Variants in ZNF654 observed in about 807,000 individuals in gnomAD.
ZNF654 encodes the protein melanoma-associated antigen.
ZNF654 carries 19 observed loss-of-function variants against 95.3 expected under a neutral mutation model. That is an observed-to-expected ratio of 0.20 (90% confidence interval 0.14 to 0.29). The LOEUF (loss-of-function observed/expected upper bound fraction) is 0.29, where lower values mean the gene tolerates loss of function less well. Ranked by LOEUF, ZNF654 falls within the 10% of genes least tolerant of loss-of-function variation. The pLI, the probability that ZNF654 is intolerant of heterozygous loss-of-function variation, is 1.00. For synonymous variants in ZNF654, 413 were observed against 457.9 expected, an observed-to-expected ratio of 0.90 and a Z score of 1.25; for missense variants, 1,046 against 1,341.0, an observed-to-expected ratio of 0.78 and a Z score of 3.44.
In ZNF654 at chr3:88,129,710, G is replaced by C; in HGVS notation, c.777G>C (p.Lys259Asn). The C allele has an allele frequency of 6.6e-7, 1 of 1,505,546 alleles. No homozygotes were observed. The highest frequency in any genetic ancestry group is 8.9e-7 in the Non-Finnish European group (1 of 1,127,414). The allele number at this position is 1,505,546 out of a possible 1,614,324, so 93.3% of individuals were successfully genotyped here. A position where few individuals can be genotyped will look rare whatever the true frequency, so the allele number is the denominator to read the frequency against. Reference protein sequence around the residue: ...FREHLLKTDCKSGIDIICNAE... With the variant: ...FREHLLKTDCNSGIDIICNAE... ...AGCATTTATTGAAAACTGATTGTAA[G>C]AGTGGAATTGATATCATCTGTAATG... Residue 259 changes from lysine to asparagine, a missense_variant, in exon 6 of 9, where the codon AAG becomes AAC. Around this residue, in one of 9 missense-constraint regions of ZNF654, gnomAD observed 121 missense variants for 141.7 expected, o/e 0.85. Transcript: ENST00000636215.
At chr3:88,089,423 G>A (rs1203492953) in intron 2 of ZNF654, among the ~76,000 whole-genome samples, 5 of 151,908 alleles carry the variant, frequency 3.3e-5, no homozygotes, top group South Asian at 2.1e-4. Context: ...CCCAGGAGGC[G>A]GAGGTTGCAG....
chr3:88,109,142 A>ATGTGTGT (rs1553697145), intron 2 of ZNF654, among the ~76,000 whole-genome samples: 34 of 142,530 alleles, frequency 2.4e-4, no homozygotes, highest in Admixed American at 1.5e-3. Context: ...AGTGGGCACT[A>ATGTGTGT]GTGTGTGTGT....
chr3:88,083,811 A>C (rs909945155), intron 1 of ZNF654, among the ~76,000 whole-genome samples: 5 of 152,148 alleles, frequency 3.3e-5, no homozygotes, highest in African/African-American at 1.2e-4. Flanking sequence ...CAAAAAAGAA[A>C]AAAAGTGAAA....
At chr3:88,135,924 C>T (rs1370695429) in intron 7 of ZNF654, among the ~76,000 whole-genome samples, 1 of 152,046 alleles carries the variant, frequency 6.6e-6, no homozygotes, top group East Asian at 1.9e-4. Flanking sequence ...TTAAATAATA[C>T]ATTTTAATTT....
intron 6 of ZNF654, among the ~76,000 whole-genome samples, chr3:88,131,017 T>G (rs1404047727): frequency 6.6e-6 from 1 of 152,150 alleles, no homozygotes; most frequent in Non-Finnish European, 1.5e-5. Context: ...TGGGGATATA[T>G]TCTAAGTAAT....
intron 2 of ZNF654, among the ~76,000 whole-genome samples, chr3:88,090,444 G>T (rs1470366777): frequency 1.3e-5 from 2 of 151,996 alleles, no homozygotes; most frequent in Non-Finnish European, 1.5e-5. Flanking sequence ...AGGATATAAA[G>T]AGAAAATATT....
intron 5 of ZNF654, 128 bp from the exon 6 acceptor site, chr3:88,129,559 G>T: frequency 1.4e-6 from 1 of 710,166 alleles, no homozygotes. Context: ...TTCTGTACAA[G>T]TCATCATTGT....
At chr3:88,136,136 CA>C (rs1706770194) in intron 7 of ZNF654, among the ~76,000 whole-genome samples, 1 of 152,046 alleles carries the variant, frequency 6.6e-6, no homozygotes, top group Non-Finnish European at 1.5e-5. Context: ...CACGTCTTAA[CA>C]TTTGATGTGC....
At chr3:88,111,727 A>G (rs577983616) in intron 2 of ZNF654, among the ~76,000 whole-genome samples, 3 of 152,158 alleles carry the variant, frequency 2.0e-5, no homozygotes, top group East Asian at 3.9e-4. Context: ...CTGCTAGGTC[A>G]AATGGTATGT....
At chr3:88,128,731 A>T in intron 4 of ZNF654, 78 bp from the exon 5 acceptor site, 2 of 940,256 alleles carry the variant, frequency 2.1e-6, no homozygotes, top group Non-Finnish European at 3.1e-6. Flanking sequence ...ACCATATTTT[A>T]GTGGTAAAGT....
chr3:88,099,825 A>C (rs1704298147), intron 2 of ZNF654, among the ~76,000 whole-genome samples: 1 of 152,234 alleles, frequency 6.6e-6, no homozygotes, highest in African/African-American at 2.4e-5. Context: ...AAATTAATTC[A>C]AGATGGATTA....
rs538966633 is a variant in ZNF654, at chr3:88,129,004, T to G, written c.746T>G (p.Phe249Cys). Reference protein sequence around the residue: ...LFMSPVEDQLFREHLLKTDCK... With the variant: ...LFMSPVEDQLCREHLLKTDCK... ...ATGTCACCTGTAGAAGATCAGCTAT[T>G]CCGGGAGGTATTGTTTGAGACTATT... Residue 249 changes from phenylalanine to cysteine, a missense_variant, in exon 5 of 9, where the codon TTC becomes TGC. Phe to Cys is a radical substitution (Grantham distance 205). Coordinates refer to ENST00000636215, the MANE Select transcript of ZNF654 (RefSeq NM_001350134.2). 71 of 1,532,352 alleles carry G rather than the reference T, an allele frequency of 4.6e-5. 1 individual carries two copies. The African/African-American group carries it at 5.9e-4, about 13-fold the overall frequency. 94.9% of individuals were successfully genotyped at this position (1,532,352 alleles called of 1,614,324 possible).
rs1707252551 is a variant in ZNF654 at position 88,144,218 on chromosome 3, A to G, written c.*2566A>G. The G allele has an allele frequency of 6.6e-6, 1 of 152,364 alleles. No homozygotes were observed. Among genetic ancestry groups the G allele is most frequent in the East Asian group, 1.9e-4 (1 of 5,192 alleles). 9.4% of individuals were successfully genotyped at this position (152,364 alleles called of 1,614,324 possible). On this transcript the variant is annotated 3_prime_UTR_variant, in exon 9 of 9. Transcript: ENST00000636215. ...CAAGGACACTGGTACTTTGGGCTTT[A>G]GCCATATTCATTTTTTTGAAACCAC...
chr3:88,134,812 T>C (rs1706675764), intron 6 of ZNF654, among the ~76,000 whole-genome samples: 1 of 152,070 alleles, frequency 6.6e-6, no homozygotes, highest in Non-Finnish European at 1.5e-5. Context: ...ACTGGAGACA[T>C]CTTAGGTATG....
intron 2 of ZNF654, among the ~76,000 whole-genome samples, chr3:88,102,187 T>G (rs2107721464): frequency 6.6e-6 from 1 of 152,232 alleles, no homozygotes; most frequent in East Asian, 1.9e-4. Flanking sequence ...TTCTTCGTGT[T>G]TCTTGATTTT....
intron 3 of ZNF654, among the ~76,000 whole-genome samples, chr3:88,123,896 GCTTGCTA>G (rs767670620): frequency 1.3e-5 from 2 of 152,162 alleles, no homozygotes; most frequent in Non-Finnish European, 2.9e-5. Context: ...TAATTTGGGA[GCTTGCTA>G]CCTTGCTTAC....
chr3:88,102,411 C>G (rs1035790882), intron 2 of ZNF654, among the ~76,000 whole-genome samples: 1 of 151,646 alleles, frequency 6.6e-6, no homozygotes, highest in African/African-American at 2.4e-5. Context: ...TCCCATTATA[C>G]TGTTATCTTC....
At chr3:88,130,260 C>A (rs745491753) in intron 6 of ZNF654, among the ~76,000 whole-genome samples, 1 of 152,144 alleles carries the variant, frequency 6.6e-6, no homozygotes. Context: ...CCCATATACA[C>A]ACATACACAC....
chr3:88,078,144 G>C (rs568015960), intron 1 of ZNF654, among the ~76,000 whole-genome samples: 3 of 151,894 alleles, frequency 2.0e-5, no homozygotes, highest in African/African-American at 7.3e-5. Flanking sequence ...TAGTTAGTAG[G>C]GTTTTGATAT....
Sources: gnomAD v4.1 joint callset for allele counts (sites outside exome capture counted in the v4.1 genomes callset) on GRCh38, gnomAD v4.1.1 for gene constraint, gnomAD v4.1.1 regional missense constraint, MANE v1.5 for transcripts, NCBI Gene and HGNC (gene_info 2026-07-23, HGNC 2026-07-21) for gene names.